PPP2R5D: variants seen among roughly 807,000 people sequenced by gnomAD.
The protein encoded by PPP2R5D is protein phosphatase 2 regulatory subunit B'delta.
In PPP2R5D, 12 loss-of-function variants were observed where a neutral mutation model predicts 79.1. The observed-to-expected ratio is 0.15, with a 90% CI of 0.10 to 0.25. PPP2R5D has a LOEUF of 0.25. PPP2R5D is among the 10% of genes least tolerant of loss of function. The pLI is 1.00. For missense variants in PPP2R5D, 419 were observed against 760.2 expected (o/e 0.55, Z 5.28); for synonymous variants, 277 against 286.6 (o/e 0.97, Z 0.34).
intron 2 of PPP2R5D, among the ~76,000 whole-genome samples, chr6:43,003,940 G>A (rs1284628215): frequency 2.0e-5 from 3 of 151,322 alleles, no homozygotes; most frequent in Non-Finnish European, 4.4e-5. Context: ...GGATGGTCTC[G>A]ATCTCCTGAC....
At position 43,006,629 on chromosome 6, in the gene PPP2R5D, G is replaced by A. The variant is rs1000886256; in HGVS notation, c.272G>A (p.Arg91His). The A allele has an allele frequency of 3.7e-6, 6 of 1,613,992 alleles. No homozygotes were observed. Among genetic ancestry groups the A allele is most frequent in the Admixed American group, 1.7e-5 (1 of 59,988 alleles). Residue 91 changes from arginine (R) to histidine (H), a missense_variant, in exon 3 of 16, where the codon CGC becomes CAC. Around this residue, in one of 5 missense-constraint regions of PPP2R5D, gnomAD observed 110 missense variants for 147.6 expected, o/e 0.75. Transcript: ENST00000485511. This position sits in a 1 kb window ranked among gnomAD's most constrained non-coding sequence, Gnocchi z 4.7. ...AAGGAGCGACGGCAAAGCTCCTCCCGCTTCAACCTCAGCAAGAATCGGGAG... is the reference window on the plus strand; with the variant it reads ...AAGGAGCGACGGCAAAGCTCCTCCCACTTCAACCTCAGCAAGAATCGGGAG... ...VKKERRQSSS[R>H]FNLSKNRELQ...
Position 43,008,182 on chromosome 6 carries a change from G to A in PPP2R5D, c.858-19G>A. The A allele has an allele frequency of 6.2e-7, 1 of 1,614,016 alleles. No individual in the cohort carries two copies. The highest frequency in any genetic ancestry group is 8.5e-7 in the Non-Finnish European group (1 of 1,179,990). ...AGGGACATCAGGGGTTGTCAAGAGAGCCATTTTTCTTCCCTCAGGTTCATC... is the reference window on the plus strand; with the variant it reads ...AGGGACATCAGGGGTTGTCAAGAGAACCATTTTTCTTCCCTCAGGTTCATC... On this transcript the variant is annotated intron_variant, in intron 7 of 15. Coordinates refer to ENST00000485511, the MANE Select transcript of PPP2R5D (RefSeq NM_006245.4). This position sits in a 1 kb window ranked among gnomAD's most constrained non-coding sequence, Gnocchi z 4.2.
At chr6:43,001,792 C>T (rs1772228413) in intron 2 of PPP2R5D, among the ~76,000 whole-genome samples, 1 of 151,472 alleles carries the variant, frequency 6.6e-6, no homozygotes, top group Non-Finnish European at 1.5e-5. Context: ...GAGGCTGAGG[C>T]AGGAGAATTG....
At chr6:43,002,549 T>C (rs1761802885) in intron 2 of PPP2R5D, among the ~76,000 whole-genome samples, 1 of 152,060 alleles carries the variant, frequency 6.6e-6, no homozygotes, top group Non-Finnish European at 1.5e-5. Flanking sequence ...CCTGCTTTTC[T>C]CTTACTACCA....
chr6:43,010,042 C>G lies in PPP2R5D; in HGVS notation c.1380-426C>G, dbSNP rs532246014. On this transcript the variant is annotated intron_variant, in intron 12 of 15. Transcript: ENST00000485511. The surrounding 1 kb of genome is among the most constrained non-coding windows in gnomAD (Gnocchi z 4.7). ...CGAGATCGTGCCACTGCACTCCAGC[C>G]TGGGCAACAGAGTGAGACTCCGTCT... Among the ~76,000 whole-genome samples, 17 of 152,104 alleles carry G rather than the reference C, an allele frequency of 1.1e-4. No individual in the cohort carries two copies. The highest frequency in any genetic ancestry group is 3.6e-4 in the African/African-American group (15 of 41,452).
chr6:43,006,220 C>G lies in PPP2R5D; in HGVS notation c.106-243C>G, dbSNP rs1032258553. 6.6e-6 allele frequency among the ~76,000 whole-genome samples: 1 copy of G among 152,172 alleles called. No homozygotes were observed. Among genetic ancestry groups the G allele is most frequent in the East Asian group, 1.9e-4 (1 of 5,202 alleles). ...TTACCTGTTCATGAACTGGAATGAA[C>G]GTTTTAAAGGCTCTTGATGCACAAG... On this transcript the variant is annotated intron_variant, in intron 2 of 15. Coordinates refer to ENST00000485511, the MANE Select transcript of PPP2R5D (RefSeq NM_006245.4). The surrounding 1 kb of genome is among the most constrained non-coding windows in gnomAD (Gnocchi z 4.7).
intron 2 of PPP2R5D, among the ~76,000 whole-genome samples, chr6:42,994,724 A>G (rs1771513392): frequency 1.3e-5 from 2 of 151,844 alleles, no homozygotes; most frequent in South Asian, 4.2e-4. Flanking sequence ...AGGCTGAGGC[A>G]TGAGAATCGT....
chr6:42,986,637 G>A (rs779823714), intron 1 of PPP2R5D, among the ~76,000 whole-genome samples: 6 of 151,962 alleles, frequency 3.9e-5, no homozygotes, highest in Non-Finnish European at 8.8e-5. Context: ...TAGCTCAGTC[G>A]TAGACAATGC....
chr6:42,999,544 G>T (rs181213040), intron 2 of PPP2R5D, among the ~76,000 whole-genome samples: 2 of 152,208 alleles, frequency 1.3e-5, no homozygotes, highest in African/African-American at 4.8e-5. Flanking sequence ...TCATTGGGTG[G>T]TTTTTATTTT....
chr6:43,002,718 T>C (rs913491186), intron 2 of PPP2R5D, among the ~76,000 whole-genome samples: 3 of 152,224 alleles, frequency 2.0e-5, no homozygotes, highest in Admixed American at 6.5e-5. Context: ...TCCACATCAT[T>C]GTTTTTATAA....
chr6:43,005,647 G>A (rs148942962), intron 2 of PPP2R5D, among the ~76,000 whole-genome samples: 3,008 of 150,310 alleles, frequency 0.02, 107 homozygotes, highest in African/African-American at 0.069. Context: ...TTGAGACAAA[G>A]TCTCGCTCTT....
intron 2 of PPP2R5D, among the ~76,000 whole-genome samples, chr6:42,996,877 C>T (rs990184799): frequency 6.6e-6 from 1 of 152,076 alleles, no homozygotes; most frequent in East Asian, 1.9e-4. Context: ...TTTATTAGGC[C>T]AGTTAATTCA....
In PPP2R5D at chr6:43,011,404, C is replaced by G. The variant is rs1057044116; in HGVS notation, c.*118C>G. 6 of 1,377,240 alleles carry G rather than the reference C, an allele frequency of 4.4e-6. No homozygotes were observed. Among genetic ancestry groups the G allele is most frequent in the Non-Finnish European group, 5.9e-6 (6 of 1,015,726 alleles). The allele number at this position is 1,377,240 out of a possible 1,614,324, so 85.3% of individuals were successfully genotyped here. A position where few individuals can be genotyped will look rare whatever the true frequency, so the allele number is the denominator to read the frequency against. ...GGAAGGCAGCGCCTCTCTAGCTACT[C>G]AAGGGAGGGGGATGTGGGCACTTGA... On this transcript the variant is annotated 3_prime_UTR_variant, in exon 16 of 16. Transcript: ENST00000485511.
chr6:43,007,653 C>G lies in PPP2R5D; in HGVS notation c.726+147C>G. On this transcript the variant is annotated intron_variant, in intron 6 of 15. Coordinates refer to ENST00000485511, the MANE Select transcript of PPP2R5D (RefSeq NM_006245.4). The surrounding 1 kb of genome is among the most constrained non-coding windows in gnomAD (Gnocchi z 4.5). ...AGGCTATAAAGGGTAAAAAACAAAA[C>G]AAAACAAAACCCTACTCTGGCCTTA... 1.1e-6 allele frequency: 1 copy of G among 907,398 alleles called. No homozygotes were observed. Among genetic ancestry groups the G allele is most frequent in the East Asian group, 2.5e-5 (1 of 40,084 alleles). The allele number at this position is 907,398 out of a possible 1,614,324, so 56.2% of individuals were successfully genotyped here.
At position 43,010,388 on chromosome 6, in the gene PPP2R5D, C is replaced by A; in HGVS notation, c.1380-80C>A. Reference sequence around the variant, plus strand: ...TGACAAAGCTCTTAGCAGAGATACCCCTGTGAGAGAACAAATTGGGTTCCT... The same window carrying A: ...TGACAAAGCTCTTAGCAGAGATACCACTGTGAGAGAACAAATTGGGTTCCT... On this transcript the variant is annotated intron_variant, in intron 12 of 15. Coordinates refer to ENST00000485511, the MANE Select transcript of PPP2R5D (RefSeq NM_006245.4). This position sits in a 1 kb window ranked among gnomAD's most constrained non-coding sequence, Gnocchi z 4.7. 9.0e-7 allele frequency: 1 copy of A among 1,111,148 alleles called. No homozygotes were observed. Among genetic ancestry groups the A allele is most frequent in the South Asian group, 1.2e-5 (1 of 80,284 alleles). The allele number at this position is 1,111,148 out of a possible 1,614,324, so 68.8% of individuals were successfully genotyped here.
In PPP2R5D at chr6:43,010,599, A is replaced by G; in HGVS notation, c.1481+30A>G. 1 of 1,613,074 alleles carries G rather than the reference A, an allele frequency of 6.2e-7. No homozygotes were observed. Among genetic ancestry groups the G allele is most frequent in the Non-Finnish European group, 8.5e-7 (1 of 1,179,102 alleles). ...GTATCTCTCTCCCCGGGAGACTTTC[A>G]TCTTCTACCACCAGCTCACTGTGTT... On this transcript the variant is annotated intron_variant, in intron 13 of 15. Transcript: ENST00000485511. The surrounding 1 kb of genome is among the most constrained non-coding windows in gnomAD (Gnocchi z 4.7).
At chr6:43,000,620 A>G (rs1269580691) in intron 2 of PPP2R5D, among the ~76,000 whole-genome samples, 4 of 152,072 alleles carry the variant, frequency 2.6e-5, no homozygotes, top group Admixed American at 2.6e-4. Flanking sequence ...CTGCCTCCTC[A>G]GTGTGAGGTG....
chr6:42,995,417 G>GC (rs2150258703), intron 2 of PPP2R5D, among the ~76,000 whole-genome samples: 1 of 152,194 alleles, frequency 6.6e-6, no homozygotes, highest in South Asian at 2.1e-4. Context: ...ACAGGTGTGA[G>GC]CCACTGTGCC....
intron 2 of PPP2R5D, among the ~76,000 whole-genome samples, chr6:42,991,909 G>A (rs747260674): frequency 1.3e-5 from 2 of 152,188 alleles, no homozygotes; most frequent in African/African-American, 2.4e-5. Flanking sequence ...TTGGTGAAAC[G>A]CTGCTCAGGG....
Sources: gnomAD v4.1 joint callset for allele counts (sites outside exome capture counted in the v4.1 genomes callset) on GRCh38, gnomAD v4.1.1 for gene constraint, gnomAD v4.1.1 regional missense constraint, Gnocchi (gnomAD v3.1) non-coding constraint, MANE v1.5 for transcripts, NCBI Gene and HGNC (gene_info 2026-07-23, HGNC 2026-07-21) for gene names.